CLVS1: variants seen among roughly 807,000 people sequenced by gnomAD.
CLVS1 encodes clavesin 1, also known as clavesin-1.
CLVS1 carries 10 observed loss-of-function variants against 33.1 expected under a neutral mutation model. That is an observed-to-expected ratio of 0.30 (90% CI 0.19 to 0.51). The LOEUF (loss-of-function observed/expected upper bound fraction) is 0.51. Among genes scored for constraint, CLVS1 ranks in the 20% least tolerant of loss-of-function variants. The pLI, the probability that CLVS1 is intolerant of heterozygous loss-of-function variation, is 0.97. For synonymous variants in CLVS1, 163 were observed against 166.1 expected, an observed-to-expected ratio of 0.98 and a Z score of 0.14; for missense variants, 343 against 433.4, an observed-to-expected ratio of 0.79 and a Z score of 1.85.
chr8:61,022,869 C>T, the CLVS1 span, among the ~76,000 whole-genome samples: 1 of 152,254 alleles, frequency 6.6e-6, no homozygotes, highest in African/African-American at 2.4e-5. Context: ...GCACCTCCCT[C>T]TGTTTATGCA....
chr8:61,156,398 A>C (rs902551149), intron 2 of CLVS1, among the ~76,000 whole-genome samples: 3 of 151,636 alleles, frequency 2.0e-5, no homozygotes, highest in Non-Finnish European at 4.4e-5. Flanking sequence ...TCGTGTGTCC[A>C]TGTGCATGTT....
At chr8:61,048,505 G>C in the CLVS1 span, among the ~76,000 whole-genome samples, 1 of 152,220 alleles carries the variant, frequency 6.6e-6, no homozygotes, top group Non-Finnish European at 1.5e-5. Flanking sequence ...CCCAGATGCT[G>C]TGTGTGCCAG....
intron 2 of CLVS1, among the ~76,000 whole-genome samples, chr8:61,147,716 A>G (rs1359226771): frequency 2.0e-5 from 3 of 152,248 alleles, no homozygotes; most frequent in Non-Finnish European, 4.4e-5. Flanking sequence ...TAAGAATTTT[A>G]TTGGAAATGA....
chr8:61,067,758 T>G (rs1804709287), intron 1 of CLVS1, among the ~76,000 whole-genome samples: 1 of 151,546 alleles, frequency 6.6e-6, no homozygotes, highest in Non-Finnish European at 1.5e-5. Flanking sequence ...CCCTTATAAG[T>G]GGAAGCTAAA....
At chr8:61,020,312 G>A in the CLVS1 span, among the ~76,000 whole-genome samples, 4 of 152,144 alleles carry the variant, frequency 2.6e-5, no homozygotes, top group South Asian at 6.2e-4. Flanking sequence ...CATTTCAGTC[G>A]GCTTTCTGGC....
At chr8:61,355,412 C>CT (rs534461256) in intron 2 of CLVS1, among the ~76,000 whole-genome samples, 19 of 151,522 alleles carry the variant, frequency 1.3e-4, no homozygotes, top group Non-Finnish European at 2.4e-4. Context: ...TGGTCTTTTT[C>CT]TTTTTTTTAT....
chr8:61,255,647 T>G (rs927397927), intron 2 of CLVS1, among the ~76,000 whole-genome samples: 2 of 152,230 alleles, frequency 1.3e-5, no homozygotes, highest in Non-Finnish European at 2.9e-5. Flanking sequence ...GTCTCATGTT[T>G]GGTTCCAAGG....
chr8:61,121,739 C>T (rs1262802684), intron 1 of CLVS1, among the ~76,000 whole-genome samples: 1 of 152,140 alleles, frequency 6.6e-6, no homozygotes, highest in Non-Finnish European at 1.5e-5. Flanking sequence ...AACAGCAGGA[C>T]AGTTCATAAC....
At chr8:61,268,844 A>G (rs200300181) in intron 2 of CLVS1, among the ~76,000 whole-genome samples, 3,197 of 43,370 alleles carry the variant, frequency 0.074, 57 homozygotes, top group East Asian at 0.42. Flanking sequence ...CATGTCCTTC[A>G]CCCACTTTTT....
chr8:61,161,750 C>A (rs1174268759), intron 2 of CLVS1, among the ~76,000 whole-genome samples: 1 of 152,130 alleles, frequency 6.6e-6, no homozygotes, highest in East Asian at 1.9e-4. Flanking sequence ...GTCAATAGTA[C>A]CATATTTATA....
upstream of CLVS1, among the ~76,000 whole-genome samples, chr8:61,283,078 T>G (rs1809707233): frequency 6.6e-6 from 1 of 152,218 alleles, no homozygotes; most frequent in South Asian, 2.1e-4. Flanking sequence ...ATGTCTTTAC[T>G]GTAGCAATTC....
intron 3 of CLVS1, among the ~76,000 whole-genome samples, chr8:61,444,600 TAA>T (rs1816685133): frequency 2.0e-5 from 3 of 152,358 alleles, no homozygotes; most frequent in African/African-American, 7.2e-5. Flanking sequence ...ACTGCTATGA[TAA>T]GTTTGTTACA....
At chr8:61,346,399 G>A (rs567433932) in intron 2 of CLVS1, among the ~76,000 whole-genome samples, 9 of 152,214 alleles carry the variant, frequency 5.9e-5, no homozygotes, top group East Asian at 1.9e-4. Flanking sequence ...AGCAGAGGTC[G>A]CAGTTGAGGA....
At chr8:61,427,275 T>C (rs1411559395) in intron 3 of CLVS1, among the ~76,000 whole-genome samples, 3 of 152,124 alleles carry the variant, frequency 2.0e-5, no homozygotes, top group Non-Finnish European at 2.9e-5. Context: ...TCTCTCCCCA[T>C]ACCTTCCAGC....
At chr8:61,478,541 T>C (rs1818052636) in intron 5 of CLVS1, among the ~76,000 whole-genome samples, 1 of 152,256 alleles carries the variant, frequency 6.6e-6, no homozygotes, top group African/African-American at 2.4e-5. Flanking sequence ...TTAGTTCTTC[T>C]TGTTGAATTG....
chr8:61,216,286 A>G (rs1585696178), intron 2 of CLVS1, among the ~76,000 whole-genome samples: 1 of 152,184 alleles, frequency 6.6e-6, no homozygotes, highest in East Asian at 1.9e-4. Context: ...TGATTGAGAG[A>G]CTAGAATCCT....
chr8:61,479,778 T>C (rs1818112435), intron 5 of CLVS1, among the ~76,000 whole-genome samples: 2 of 152,260 alleles, frequency 1.3e-5, no homozygotes, highest in Non-Finnish European at 2.9e-5. Context: ...ATGTCCTTTC[T>C]GTTTGTTAGT....
intron 2 of CLVS1, among the ~76,000 whole-genome samples, chr8:61,239,600 G>T (rs1336711238): frequency 1.3e-5 from 2 of 152,034 alleles, no homozygotes; most frequent in Admixed American, 6.6e-5. Context: ...GCTGGGCATG[G>T]TGGCTTGTGC....
At chr8:61,358,987 A>G (rs973077760) in intron 2 of CLVS1, among the ~76,000 whole-genome samples, 4 of 152,214 alleles carry the variant, frequency 2.6e-5, no homozygotes, top group Non-Finnish European at 5.9e-5. Flanking sequence ...TTTAAAGTTT[A>G]ATCCATTCTC....
Sources: gnomAD v4.1 joint callset for allele counts (sites outside exome capture counted in the v4.1 genomes callset) on GRCh38, gnomAD v4.1.1 for gene constraint, MANE v1.5 for transcripts, NCBI Gene and HGNC (gene_info 2026-07-23, HGNC 2026-07-21) for gene names.